The following CALN1 variants were observed in gnomAD, a reference collection of about 807,000 sequenced individuals.
The protein encoded by CALN1 is calcium-binding protein 8.
In CALN1, 17 loss-of-function variants were observed where a neutral mutation model predicts 30.6. The ratio of observed to expected loss-of-function variants is 0.56; its 90% CI spans 0.38 to 0.83. The LOEUF is 0.83. Ranked by LOEUF, CALN1 falls within the 40% of genes least tolerant of loss-of-function variation. The probability of loss-of-function intolerance (pLI) is 0.00; values close to 1 mark genes in which losing one functional copy is unlikely to be tolerated. For missense variants in CALN1, 291 were observed against 354.9 expected (o/e 0.82, Z 1.45); for synonymous variants, 156 against 131.4 (o/e 1.19, Z -1.28).
chr7:71,827,770 TTAAAAAAA>T (rs1232588870), intron 5 of CALN1, among the ~76,000 whole-genome samples: 1 of 76,742 alleles, frequency 1.3e-5, no homozygotes, highest in Non-Finnish European at 2.2e-5. Context: ...AGACTCCATC[TTAAAAAAA>T]TAAATAAATA....
intron 2 of CALN1, among the ~76,000 whole-genome samples, chr7:72,316,594 T>G (rs1800462175): frequency 6.6e-6 from 1 of 152,130 alleles, no homozygotes. Context: ...TTCTTCTATT[T>G]GCTTATCTTT....
At chr7:72,066,794 T>A (rs1487137740) in intron 4 of CALN1, among the ~76,000 whole-genome samples, 1 of 151,702 alleles carries the variant, frequency 6.6e-6, no homozygotes, top group African/African-American at 2.4e-5. Flanking sequence ...TTTATTTTTT[T>A]TTTTTGAGAC....
At chr7:72,242,267 C>T (rs1794890052) in intron 3 of CALN1, among the ~76,000 whole-genome samples, 1 of 152,172 alleles carries the variant, frequency 6.6e-6, no homozygotes, top group African/African-American at 2.4e-5. Context: ...ATTCTTTCCA[C>T]CTTTTGGCTA....
At chr7:72,024,397 G>A (rs553755662) in intron 4 of CALN1, among the ~76,000 whole-genome samples, 2 of 152,138 alleles carry the variant, frequency 1.3e-5, no homozygotes, top group East Asian at 3.9e-4. Context: ...TATTTGAACA[G>A]CACTTTTTTT....
intron 5 of CALN1, among the ~76,000 whole-genome samples, chr7:71,829,704 G>A (rs1032463781): frequency 2.0e-5 from 3 of 152,130 alleles, no homozygotes; most frequent in African/African-American, 7.2e-5. Flanking sequence ...GGATGCAGGT[G>A]GAGTTCTCAA....
At chr7:72,479,865 T>C in the CALN1 span, among the ~76,000 whole-genome samples, 1 of 152,206 alleles carries the variant, frequency 6.6e-6, no homozygotes, top group East Asian at 1.9e-4. Context: ...GCACAATTTA[T>C]TGACTAGACT....
chr7:71,810,469 C>T lies in CALN1; in HGVS notation c.525G>A (p.Leu175=). ...FWQFDMQRIT[L]EELKHILYHA... is the part of the protein sequence containing the mutation. ...GATAGAGAATGTGCTTCAACTCTTCCAGAGTTATCCTTTGCATGTCAAACT... is the reference window on the plus strand; with the variant it reads ...GATAGAGAATGTGCTTCAACTCTTCTAGAGTTATCCTTTGCATGTCAAACT... Residue 175 remains leucine, a synonymous_variant, in exon 6 of 7, where the codon CTG becomes CTA. Coordinates refer to ENST00000395275, the MANE Select transcript of CALN1 (RefSeq NM_031468.4). 6.2e-7 allele frequency: 1 copy of T among 1,613,878 alleles called. No homozygotes were observed. The highest frequency in any genetic ancestry group is 1.3e-5 in the African/African-American group (1 of 75,012).
chr7:72,004,851 C>T (rs1799691150), intron 5 of CALN1, among the ~76,000 whole-genome samples: 1 of 152,132 alleles, frequency 6.6e-6, no homozygotes, highest in Non-Finnish European at 1.5e-5. Context: ...GGGCAAAAGA[C>T]ATCAACAGAC....
At chr7:71,860,733 C>T (rs1054771327) in intron 5 of CALN1, among the ~76,000 whole-genome samples, 1 of 152,120 alleles carries the variant, frequency 6.6e-6, no homozygotes, top group Non-Finnish European at 1.5e-5. Flanking sequence ...AGGCCACGTA[C>T]CACTGCCAGG....
intron 5 of CALN1, among the ~76,000 whole-genome samples, chr7:71,918,248 A>T (rs557378065): frequency 1.3e-5 from 2 of 152,334 alleles, no homozygotes; most frequent in East Asian, 1.9e-4. Flanking sequence ...ACCTGAGAAC[A>T]AAGTGTCTCT....
intron 1 of CALN1, among the ~76,000 whole-genome samples, chr7:72,439,750 T>A (rs1808293279): frequency 6.6e-6 from 1 of 152,048 alleles, no homozygotes; most frequent in Admixed American, 6.6e-5. Context: ...TTAATTTTTT[T>A]GTATTTGTAG....
intron 3 of CALN1, among the ~76,000 whole-genome samples, chr7:72,171,839 C>T (rs2129545483): frequency 6.6e-6 from 1 of 152,210 alleles, no homozygotes; most frequent in Admixed American, 6.5e-5. Context: ...ACCATTTAAA[C>T]ACACACACAG....
intron 5 of CALN1, among the ~76,000 whole-genome samples, chr7:71,973,851 A>G (rs1038832542): frequency 6.6e-6 from 1 of 152,184 alleles, no homozygotes; most frequent in Non-Finnish European, 1.5e-5. Context: ...GTTTTAATTG[A>G]GGGTATAAAA....
intron 2 of CALN1, among the ~76,000 whole-genome samples, chr7:72,339,934 GAC>G (rs1159786121): frequency 2.0e-5 from 3 of 152,284 alleles, no homozygotes; most frequent in East Asian, 1.9e-4. Context: ...TTTGGGTGGG[GAC>G]ACAGTCAAAC....
chr7:71,976,576 C>T (rs1017998388), intron 5 of CALN1, among the ~76,000 whole-genome samples: 1 of 152,208 alleles, frequency 6.6e-6, no homozygotes, highest in Admixed American at 6.5e-5. Context: ...GGGAAATGAA[C>T]GAGGTCCTCC....
chr7:72,350,766 C>A (rs1382751296), intron 2 of CALN1, among the ~76,000 whole-genome samples: 1 of 131,866 alleles, frequency 7.6e-6, no homozygotes, highest in Non-Finnish European at 1.6e-5. Flanking sequence ...CACATGTACC[C>A]CTGAAACAAA....
intron 5 of CALN1, among the ~76,000 whole-genome samples, chr7:71,924,654 T>C (rs1795166169): frequency 6.6e-6 from 1 of 152,134 alleles, no homozygotes; most frequent in Admixed American, 6.6e-5. Context: ...TTTTACTCTA[T>C]CTGCCTTCAT....
chr7:71,784,891 CACTG>C lies in CALN1; in HGVS notation c.*2880_*2883del, dbSNP rs1792904481. On this transcript the variant is annotated 3_prime_UTR_variant, in exon 7 of 7. Coordinates refer to ENST00000395275, the MANE Select transcript of CALN1 (RefSeq NM_031468.4). The stretch of plus-strand genomic sequence containing the variant: ...AGCTTCATAGCCACCATGATGGGGA[CACTG>C]ACTGGCATGGGGCCCTAGCATAAAA... 2.5e-6 allele frequency: 1 copy of C among 398,594 alleles called. No homozygotes were observed. The highest frequency in any genetic ancestry group is 4.4e-6 in the Non-Finnish European group (1 of 226,172). 24.7% of individuals were successfully genotyped at this position (398,594 alleles called of 1,614,324 possible).
chr7:72,062,745 T>C (rs775949515), intron 4 of CALN1, among the ~76,000 whole-genome samples: 4 of 152,094 alleles, frequency 2.6e-5, no homozygotes, highest in Non-Finnish European at 4.4e-5. Flanking sequence ...GGAAATGGAT[T>C]GATTCTTCAG....
Sources: allele counts gnomAD v4.1 joint callset (sites outside exome capture counted in the v4.1 genomes callset), GRCh38; gene constraint gnomAD v4.1.1; transcripts MANE v1.5; gene names NCBI Gene and HGNC (gene_info 2026-07-23, HGNC 2026-07-21).